MAST4: variants seen among roughly 807,000 people sequenced by gnomAD.
MAST4 encodes microtubule associated serine/threonine kinase family member 4.
A neutral mutation model predicts 162.7 loss-of-function variants in MAST4; 89 were observed. That is an observed-to-expected ratio of 0.55 (90% CI 0.46 to 0.65). MAST4 has a LOEUF of 0.65. Among genes scored for constraint, MAST4 ranks in the 30% least tolerant of loss-of-function variants. The probability of loss-of-function intolerance (pLI) is 0.00; values close to 1 mark genes in which losing one functional copy is unlikely to be tolerated. For synonymous variants in MAST4, 1,479 were observed against 1,361.1 expected, an observed-to-expected ratio of 1.09 and a Z score of -1.91; for missense variants, 3,153 against 3,374.0, an observed-to-expected ratio of 0.93 and a Z score of 1.62.
chr5:66,830,998 GTAT>G (rs1296147751), intron 3 of MAST4, among the ~76,000 whole-genome samples: 1 of 152,138 alleles, frequency 6.6e-6, no homozygotes, highest in African/African-American at 2.4e-5. Context: ...TGGTGTCTGT[GTAT>G]TATTCTGTAA....
chr5:67,169,162 C>G lies in MAST4; in HGVS notation c.*2111C>G, dbSNP rs1304366384. 6.6e-6 allele frequency: 1 copy of G among 152,178 alleles called. No homozygotes were observed. Among genetic ancestry groups the G allele is most frequent in the African/African-American group, 2.4e-5 (1 of 41,436 alleles). The allele number at this position is 152,178 out of a possible 1,614,324, so 9.4% of individuals were successfully genotyped here. On this transcript the variant is annotated 3_prime_UTR_variant, in exon 29 of 29. Coordinates refer to ENST00000403625, the MANE Select transcript of MAST4 (RefSeq NM_001164664.2). ...GTAGTTCATGGTTTACAAGCCTTTG[C>G]TTTTTAACTGTCCAATTTCCTTTAA...
chr5:67,026,928 A>G (rs1324576776), intron 4 of MAST4, among the ~76,000 whole-genome samples: 1 of 152,158 alleles, frequency 6.6e-6, no homozygotes, highest in Non-Finnish European at 1.5e-5. Flanking sequence ...TTGAAAAGAA[A>G]TCAGGTTTAA....
intron 3 of MAST4, among the ~76,000 whole-genome samples, chr5:66,878,317 G>C (rs2149895745): frequency 6.6e-6 from 1 of 152,308 alleles, no homozygotes; most frequent in South Asian, 2.1e-4. Context: ...CACACTAAAA[G>C]GATAATGTTT....
At chr5:67,062,278 G>C (rs1398248816) in intron 5 of MAST4, among the ~76,000 whole-genome samples, 1 of 152,030 alleles carries the variant, frequency 6.6e-6, no homozygotes. Context: ...CATACCTGTA[G>C]TCCCAGCTAC....
chr5:66,795,801 T>C (rs535628703), intron 3 of MAST4, among the ~76,000 whole-genome samples: 118 of 152,364 alleles, frequency 7.7e-4, no homozygotes, highest in Admixed American at 2.5e-3. Flanking sequence ...TGAGTGTGAT[T>C]ACAGTGTGTG....
chr5:66,902,971 A>G (rs888098645), intron 4 of MAST4, among the ~76,000 whole-genome samples: 1 of 152,220 alleles, frequency 6.6e-6, no homozygotes, highest in Non-Finnish European at 1.5e-5. Flanking sequence ...GAAATATTAT[A>G]CAGCAGGTAA....
intron 1 of MAST4, among the ~76,000 whole-genome samples, chr5:66,639,151 A>AC (rs1745316134): frequency 6.6e-6 from 1 of 152,214 alleles, no homozygotes; most frequent in South Asian, 2.1e-4. Context: ...AGAAGGGAAT[A>AC]ATTAGAGTAA....
chr5:66,617,023 T>G (rs924864089), intron 1 of MAST4, among the ~76,000 whole-genome samples: 2 of 152,226 alleles, frequency 1.3e-5, no homozygotes, highest in African/African-American at 4.8e-5. Flanking sequence ...TGCACATTCA[T>G]ATCTGGACTG....
intron 1 of MAST4, among the ~76,000 whole-genome samples, chr5:66,747,719 G>A (rs1171595927): frequency 6.6e-6 from 1 of 152,222 alleles, no homozygotes; most frequent in Non-Finnish European, 1.5e-5. Context: ...GAAAGTGAGT[G>A]TAGGGCGGGG....
chr5:67,081,793 C>T (rs1444983086), intron 5 of MAST4, among the ~76,000 whole-genome samples: 1 of 152,082 alleles, frequency 6.6e-6, no homozygotes, highest in East Asian at 1.9e-4. Context: ...AATAAAATTT[C>T]TATGCCCCAG....
chr5:66,603,714 A>C (rs1742694510), intron 1 of MAST4, among the ~76,000 whole-genome samples: 1 of 152,190 alleles, frequency 6.6e-6, no homozygotes, highest in Non-Finnish European at 1.5e-5. Context: ...TTAAGACAAA[A>C]ATGCAAATAA....
At chr5:66,910,344 G>T (rs1182191756) in intron 4 of MAST4, among the ~76,000 whole-genome samples, 2 of 152,182 alleles carry the variant, frequency 1.3e-5, no homozygotes, top group Non-Finnish European at 2.9e-5. Context: ...GGTCCCAGCT[G>T]CAGTAACTGG....
chr5:66,697,581 A>C (rs1159511046), intron 1 of MAST4, among the ~76,000 whole-genome samples: 10 of 152,224 alleles, frequency 6.6e-5, no homozygotes, highest in Admixed American at 5.9e-4. Context: ...ATTGAACCAA[A>C]ATAAGATACC....
chr5:67,062,911 G>A (rs1216919182), intron 5 of MAST4, among the ~76,000 whole-genome samples: 1 of 151,918 alleles, frequency 6.6e-6, no homozygotes, highest in African/African-American at 2.4e-5. Context: ...ATTTTATGTT[G>A]GTAAAATAGG....
chr5:66,872,121 G>T (rs541370286), intron 3 of MAST4, among the ~76,000 whole-genome samples: 1 of 152,052 alleles, frequency 6.6e-6, no homozygotes, highest in South Asian at 2.1e-4. Flanking sequence ...ATTCTGATTA[G>T]AACCACTGAC....
chr5:66,710,003 C>G (rs1372175079), intron 1 of MAST4, among the ~76,000 whole-genome samples: 1 of 152,208 alleles, frequency 6.6e-6, no homozygotes, highest in Non-Finnish European at 1.5e-5. Context: ...ATACCCTTGA[C>G]TTTCACAGTA....
At chr5:66,960,788 A>C (rs757833488) in intron 4 of MAST4, among the ~76,000 whole-genome samples, 4 of 151,814 alleles carry the variant, frequency 2.6e-5, no homozygotes, top group Non-Finnish European at 4.4e-5. Flanking sequence ...GAGACACTTC[A>C]AAGTAACTTT....
intron 3 of MAST4, among the ~76,000 whole-genome samples, chr5:66,898,926 A>G (rs1762845811): frequency 6.6e-6 from 1 of 152,188 alleles, no homozygotes; most frequent in Admixed American, 6.5e-5. Flanking sequence ...GCTGTCCATG[A>G]CAAACATTGA....
chr5:67,061,820 C>CA (rs113115367), intron 5 of MAST4, among the ~76,000 whole-genome samples: 7,119 of 94,278 alleles, frequency 0.076, 314 homozygotes, highest in African/African-American at 0.17. Context: ...AGTTCTTGGG[C>CA]AAAAAAAAAA....
Sources: allele counts gnomAD v4.1 joint callset (sites outside exome capture counted in the v4.1 genomes callset), GRCh38; gene constraint gnomAD v4.1.1; transcripts MANE v1.5; gene names NCBI Gene and HGNC (gene_info 2026-07-23, HGNC 2026-07-21).